MEIS2: variants seen among roughly 807,000 people sequenced by gnomAD.
The protein encoded by MEIS2 is Meis homeobox 2.
A neutral mutation model predicts 58.6 loss-of-function variants in MEIS2; 9 were observed. The observed-to-expected ratio is 0.15, with a 90% CI of 0.09 to 0.27. MEIS2 has a LOEUF of 0.27. Among genes scored for constraint, MEIS2 ranks in the 10% least tolerant of loss-of-function variants. MEIS2 has a pLI of 1.00. For missense variants in MEIS2, 427 were observed against 635.0 expected (o/e 0.67, Z 3.52); for synonymous variants, 221 against 228.4 (o/e 0.97, Z 0.29).
In MEIS2 at chr15:37,098,026, C is replaced by G. The variant is rs779508445; in HGVS notation, c.186G>C (p.Pro62=). Residue 62 remains proline (P), a synonymous_variant, in exon 2 of 12, where the codon CCG becomes CCC. Transcript: ENST00000561208. ...CGTTGACAGCGGATCCCATACTGGC[C>G]GGCATGACATTGGGGTGCGGGGCGT... The part of the protein sequence containing the change: ...GAHAPHPNVM[P]ASMGSAVNDA... 1.2e-6 allele frequency: 2 copies of G among 1,612,828 alleles called. No homozygotes were observed. Among genetic ancestry groups the G allele is most frequent in the Admixed American group, 3.3e-5 (2 of 59,940 alleles).
At chr15:37,024,575 G>A (rs1441342302) in intron 8 of MEIS2, among the ~76,000 whole-genome samples, 2 of 152,154 alleles carry the variant, frequency 1.3e-5, no homozygotes, top group Admixed American at 6.5e-5. Flanking sequence ...CATATTCTGT[G>A]CTTTCGTCTA....
At chr15:36,892,573 T>C (rs1868706) in intron 11 of MEIS2, 114 bp from the exon 12 acceptor site, 2 of 935,872 alleles carry the variant, frequency 2.1e-6, no homozygotes, top group East Asian at 2.4e-5. Context: ...GCAAATCTTA[T>C]ACCTAAATTT....
intron 7 of MEIS2, among the ~76,000 whole-genome samples, chr15:37,057,678 C>T (rs1888617566): frequency 6.6e-6 from 1 of 150,938 alleles, no homozygotes; most frequent in South Asian, 2.1e-4. Flanking sequence ...ATAAAGTAAC[C>T]TATTTTTTTC....
At chr15:36,934,123 C>T (rs375346626) in intron 9 of MEIS2, among the ~76,000 whole-genome samples, 4 of 152,146 alleles carry the variant, frequency 2.6e-5, no homozygotes, top group African/African-American at 9.7e-5. Flanking sequence ...AGATTTTACA[C>T]CACATTAGAG....
rs1054566117 is a variant in MEIS2 at position 36,898,320 on chromosome 15, C to G, written c.978-1634G>C. On this transcript the variant is annotated intron_variant, in intron 9 of 11. Coordinates refer to ENST00000561208, the MANE Select transcript of MEIS2 (RefSeq NM_170675.5). ...CCACTTTTACAGCAACCAAGGAGGA[C>G]TGACCTGATATTTCCACCCCAGGAA... The G allele has an allele frequency of 3.3e-5, 5 of 152,218 alleles. No individual in the cohort carries two copies. In the South Asian group the frequency reaches 6.2e-4, roughly 19 times the overall value. 9.4% of individuals were successfully genotyped at this position (152,218 alleles called of 1,614,324 possible). A position where few individuals can be genotyped will look rare whatever the true frequency, so the allele number is the denominator to read the frequency against.
At chr15:36,968,984 C>G (rs796392205) in intron 8 of MEIS2, among the ~76,000 whole-genome samples, 1 of 152,184 alleles carries the variant, frequency 6.6e-6, no homozygotes, top group South Asian at 2.1e-4. Context: ...CATCTTGAAA[C>G]GTAAACCGGC....
chr15:36,913,793 A>G (rs1343323633), intron 9 of MEIS2, among the ~76,000 whole-genome samples: 2 of 152,108 alleles, frequency 1.3e-5, no homozygotes. Flanking sequence ...AAGGAAAAAA[A>G]TACACCCTGG....
chr15:37,031,036 C>A (rs1229215988), intron 8 of MEIS2, among the ~76,000 whole-genome samples: 2 of 152,172 alleles, frequency 1.3e-5, no homozygotes, highest in African/African-American at 2.4e-5. Flanking sequence ...TTGGTCAAAG[C>A]CTTCTGCTAG....
chr15:37,055,406 CTG>C lies in MEIS2; in HGVS notation c.755-18449_755-18448del, dbSNP rs147931302. Among the ~76,000 whole-genome samples the C allele has an allele frequency of 4.6e-5, 7 of 152,070 alleles. No individual in the cohort carries two copies. In the East Asian group the frequency reaches 7.7e-4, roughly 17 times the overall value. Reference sequence around the variant, plus strand: ...GAAATAAAATAAATATAATTCTTCCCTGTGTGTGTGTGTTTTTCCCCCCACTT... The same window carrying C: ...GAAATAAAATAAATATAATTCTTCCCTGTGTGTGTGTTTTTCCCCCCACTT... On this transcript the variant is annotated intron_variant, in intron 7 of 11. Transcript: ENST00000561208.
intron 8 of MEIS2, among the ~76,000 whole-genome samples, chr15:36,968,303 T>C (rs982318062): frequency 2.0e-5 from 3 of 152,324 alleles, no homozygotes; most frequent in South Asian, 4.1e-4. Context: ...TAGAAATTTC[T>C]TTGTAGGAAG....
intron 9 of MEIS2, among the ~76,000 whole-genome samples, chr15:36,915,967 C>T (rs1354915294): frequency 6.6e-6 from 1 of 152,228 alleles, no homozygotes; most frequent in East Asian, 1.9e-4. Context: ...TTCTAAACTA[C>T]ACAGTCCATC....
rs145156091 is a variant in MEIS2 at position 36,987,389 on chromosome 15, C to T, written c.901-36989G>A. 3.8e-3 allele frequency among the ~76,000 whole-genome samples: 483 copies of T among 128,266 alleles called. 6 individuals carry two copies. Among genetic ancestry groups the T allele is most frequent in the African/African-American group, 0.014 (454 of 33,174 alleles). The allele number at this position is 128,266 out of a possible 152,430, so 84.1% of individuals were successfully genotyped here. On this transcript the variant is annotated intron_variant, in intron 8 of 11. Transcript: ENST00000561208. ...TGCCTCTGCACTCCAGTGTGGGCAA[C>T]GGAGCAAGACCCTGTCTCAAAAAAA...
chr15:36,950,225 T>C, intron 9 of MEIS2, 99 bp downstream of exon 9: 1 of 1,082,544 alleles, frequency 9.2e-7, no homozygotes, highest in Non-Finnish European at 1.3e-6. Flanking sequence ...TCCTCCTCGA[T>C]TTCATTTGTT....
At chr15:36,936,131 C>A (rs1393454821) in intron 9 of MEIS2, among the ~76,000 whole-genome samples, 1 of 151,814 alleles carries the variant, frequency 6.6e-6, no homozygotes, top group Non-Finnish European at 1.5e-5. Flanking sequence ...TGGCAGGCAC[C>A]CAGGATCTTG....
At chr15:37,075,921 G>A (rs1596079313) in intron 7 of MEIS2, among the ~76,000 whole-genome samples, 1 of 151,934 alleles carries the variant, frequency 6.6e-6, no homozygotes, top group Non-Finnish European at 1.5e-5. Flanking sequence ...GAGACCTTGT[G>A]TTCCAGCAAG....
At chr15:37,060,561 T>G (rs1398546270) in intron 7 of MEIS2, among the ~76,000 whole-genome samples, 1 of 152,112 alleles carries the variant, frequency 6.6e-6, no homozygotes, top group South Asian at 2.1e-4. Context: ...CATGGGGTGT[T>G]TGGAAGGTAA....
intron 7 of MEIS2, among the ~76,000 whole-genome samples, chr15:37,059,756 A>G (rs1003783638): frequency 6.6e-6 from 1 of 152,032 alleles, no homozygotes; most frequent in Non-Finnish European, 1.5e-5. Context: ...GGTCGACACA[A>G]TGAAACTCCA....
In MEIS2 at chr15:37,001,034, GT is replaced by G. The variant is rs754955953; in HGVS notation, c.900+35779del. Among the ~76,000 whole-genome samples, 6 of 151,956 alleles carry G rather than the reference GT, an allele frequency of 3.9e-5. No homozygotes were observed. In the East Asian group the frequency reaches 5.8e-4, roughly 15 times the overall value. The stretch of plus-strand genomic sequence containing the variant: ...AATTCATTGGTATTTTCTCCCTTTG[GT>G]CCCCTCACCCTTCTCTGTCGACCTT... On this transcript the variant is annotated intron_variant, in intron 8 of 11. Coordinates refer to ENST00000561208, the MANE Select transcript of MEIS2 (RefSeq NM_170675.5).
At chr15:37,077,250 T>C (rs982810072) in intron 7 of MEIS2, among the ~76,000 whole-genome samples, 2 of 152,030 alleles carry the variant, frequency 1.3e-5, no homozygotes, top group Non-Finnish European at 1.5e-5. Context: ...TATCAGCTTG[T>C]TTATGAGGAG....
Sources: allele counts gnomAD v4.1 joint callset (sites outside exome capture counted in the v4.1 genomes callset), GRCh38; gene constraint gnomAD v4.1.1; transcripts MANE v1.5; gene names NCBI Gene and HGNC (gene_info 2026-07-23, HGNC 2026-07-21).